The following PLEKHM3 variants were observed in gnomAD, a reference collection of about 807,000 sequenced individuals.
The protein encoded by PLEKHM3 is pleckstrin homology domain containing M3.
Under a neutral mutation model 81.8 loss-of-function variants are expected in PLEKHM3, and 45 were observed. That is an observed-to-expected ratio of 0.55 (90% CI 0.43 to 0.71). The LOEUF is 0.71. Among genes scored for constraint, PLEKHM3 ranks in the 30% least tolerant of loss-of-function variants. The pLI is 0.00. For synonymous variants in PLEKHM3, 352 were observed against 356.4 expected (o/e 0.99, Z 0.14); for missense variants, 788 against 924.3 (o/e 0.85, Z 1.91).
At chr2:208,024,192 A>G (rs976251381) in intron 1 of PLEKHM3, among the ~76,000 whole-genome samples, 9 of 121,664 alleles carry the variant, frequency 7.4e-5, no homozygotes, top group African/African-American at 3.2e-4. Flanking sequence ...TAACAATAAT[A>G]AAAACCCTAA....
At chr2:207,880,797 A>AAAAAAAAAAAAAAAAAAAAAAAAAAC in intron 6 of PLEKHM3, among the ~76,000 whole-genome samples, 1 of 137,004 alleles carries the variant, frequency 7.3e-6, no homozygotes, top group South Asian at 2.3e-4. Flanking sequence ...AACCAAAAAA[A>AAAAAAAAAAAAAAAAAAAAAAAAAAC]CAAACAAACA....
intron 2 of PLEKHM3, among the ~76,000 whole-genome samples, chr2:207,987,915 C>T (rs977073784): frequency 1.3e-5 from 2 of 152,166 alleles, no homozygotes; most frequent in Non-Finnish European, 1.5e-5. Context: ...CTCATTTTCT[C>T]TTACTTCTCC....
chr2:208,006,844 G>A (rs181061194), intron 1 of PLEKHM3, among the ~76,000 whole-genome samples: 1 of 152,272 alleles, frequency 6.6e-6, no homozygotes, highest in Admixed American at 6.5e-5. Flanking sequence ...GAGAAATTGA[G>A]GAAATAAAAG....
At chr2:208,012,039 TTTTA>T (rs1258129178) in intron 1 of PLEKHM3, among the ~76,000 whole-genome samples, 4 of 151,808 alleles carry the variant, frequency 2.6e-5, no homozygotes, top group Non-Finnish European at 5.9e-5. Flanking sequence ...AACTTCTTTA[TTTTA>T]TTTATTTATT....
At chr2:207,873,057 G>T (rs1217963482) in intron 6 of PLEKHM3, among the ~76,000 whole-genome samples, 1 of 152,106 alleles carries the variant, frequency 6.6e-6, no homozygotes, top group Non-Finnish European at 1.5e-5. Flanking sequence ...AGAGTTAGGA[G>T]AGACATGAAA....
intron 5 of PLEKHM3, among the ~76,000 whole-genome samples, chr2:207,909,468 C>A (rs1003429690): frequency 6.6e-6 from 1 of 152,190 alleles, no homozygotes; most frequent in African/African-American, 2.4e-5. Flanking sequence ...ACATTTATGA[C>A]TATTCATTAT....
chr2:207,975,393 C>T (rs1184616790), intron 3 of PLEKHM3, among the ~76,000 whole-genome samples: 2 of 152,012 alleles, frequency 1.3e-5, no homozygotes, highest in African/African-American at 2.4e-5. Flanking sequence ...TGGTGGTGAG[C>T]TTCTTGATGA....
Position 207,834,677 on chromosome 2 carries a change from G to A in PLEKHM3, c.2109-6181C>T, listed in dbSNP as rs575237606. On this transcript the variant is annotated intron_variant, in intron 7 of 7. Coordinates refer to ENST00000427836, the MANE Select transcript of PLEKHM3 (RefSeq NM_001080475.3). The stretch of plus-strand genomic sequence containing the variant: ...TGACCTCAGGTGATCCACCTGCCTC[G>A]GCCTCCCAAAGTGCTGGGATTACAG... 1.6e-4 allele frequency among the ~76,000 whole-genome samples: 25 copies of A among 151,742 alleles called. No homozygotes were observed. The South Asian group carries it at 3.4e-3, about 20-fold the overall frequency.
At chr2:207,984,638 C>T (rs1691654040) in intron 2 of PLEKHM3, among the ~76,000 whole-genome samples, 1 of 152,208 alleles carries the variant, frequency 6.6e-6, no homozygotes, top group African/African-American at 2.4e-5. Flanking sequence ...ACCTCGGCCT[C>T]CCAAAGTGCT....
intron 3 of PLEKHM3, among the ~76,000 whole-genome samples, chr2:207,961,633 TG>T (rs1488902504): frequency 2.0e-5 from 3 of 152,188 alleles, no homozygotes; most frequent in Non-Finnish European, 2.9e-5. Context: ...GAAGGATATC[TG>T]GGTTAGATAG....
chr2:208,011,246 C>T (rs1462702554), intron 1 of PLEKHM3, among the ~76,000 whole-genome samples: 1 of 151,876 alleles, frequency 6.6e-6, no homozygotes, highest in Non-Finnish European at 1.5e-5. Flanking sequence ...AGGTATCTAC[C>T]CAAAGGAAAA....
intron 3 of PLEKHM3, among the ~76,000 whole-genome samples, chr2:207,964,822 G>A (rs1690859976): frequency 6.6e-6 from 1 of 152,096 alleles, no homozygotes; most frequent in Non-Finnish European, 1.5e-5. Context: ...TATAAAGATG[G>A]ATAGCCATAC....
chr2:207,936,509 G>A (rs1689755443), intron 4 of PLEKHM3, among the ~76,000 whole-genome samples: 2 of 152,234 alleles, frequency 1.3e-5, no homozygotes, highest in South Asian at 4.1e-4. Context: ...AACATATTTA[G>A]AGTCCATAAA....
rs781448790 is a variant in PLEKHM3 at position 208,001,097 on chromosome 2, C to T, written c.543G>A (p.Pro181=). 1.5e-5 allele frequency: 24 copies of T among 1,580,084 alleles called. No homozygotes were observed. Among genetic ancestry groups the T allele is most frequent in the South Asian group, 3.4e-5 (3 of 87,592 alleles). ...ACAGAAAAGATGGCCTGGTGACATG[C>T]GGGCCTTGAAGCAATGGCTGCTGCT... ...QQQQQPLLQG[P]HVTRPSFLLP... Residue 181 remains proline (P), a synonymous_variant, in exon 2 of 8, where the codon CCG becomes CCA. Coordinates refer to ENST00000427836, the MANE Select transcript of PLEKHM3 (RefSeq NM_001080475.3).
intron 6 of PLEKHM3, among the ~76,000 whole-genome samples, chr2:207,875,631 G>A (rs1360687912): frequency 6.6e-6 from 1 of 152,188 alleles, no homozygotes; most frequent in African/African-American, 2.4e-5. Context: ...GGTCCTCAAA[G>A]AGAAACACTG....
At chr2:207,908,670 C>T (rs1688705270) in intron 5 of PLEKHM3, 93 bp from the exon 6 acceptor site, 1 of 1,131,052 alleles carries the variant, frequency 8.8e-7, no homozygotes, top group South Asian at 1.4e-5. Context: ...AATTCCTTTC[C>T]TCTGCCCTGT....
intron 6 of PLEKHM3, among the ~76,000 whole-genome samples, chr2:207,907,528 A>G (rs117733447): frequency 3.3e-5 from 5 of 152,044 alleles, no homozygotes; most frequent in Admixed American, 6.6e-5. Flanking sequence ...AAAAAAGTAC[A>G]TGTTCTAATA....
intron 5 of PLEKHM3, among the ~76,000 whole-genome samples, chr2:207,910,894 T>C (rs1559232755): frequency 6.6e-6 from 1 of 151,896 alleles, no homozygotes; most frequent in East Asian, 1.9e-4. Flanking sequence ...TTTGGAAGAA[T>C]TGAGAACATT....
chr2:208,009,854 G>A (rs1337702078), intron 1 of PLEKHM3, among the ~76,000 whole-genome samples: 2 of 152,154 alleles, frequency 1.3e-5, no homozygotes. Context: ...ATTCCTTATA[G>A]GCTCATTTCA....
Sources: gnomAD v4.1 joint callset for allele counts (sites outside exome capture counted in the v4.1 genomes callset) on GRCh38, gnomAD v4.1.1 for gene constraint, MANE v1.5 for transcripts, NCBI Gene and HGNC (gene_info 2026-07-23, HGNC 2026-07-21) for gene names.